SLC24A4: variants seen among roughly 807,000 people sequenced by gnomAD.
SLC24A4 encodes solute carrier family 24 member 4.
Under a neutral mutation model 79.0 loss-of-function variants are expected in SLC24A4, and 53 were observed. That is an observed-to-expected ratio of 0.67 (90% CI 0.54 to 0.84). The LOEUF (loss-of-function observed/expected upper bound fraction) is 0.84, where lower values mean the gene tolerates loss of function less well. SLC24A4 is among the 40% of genes least tolerant of loss of function. The pLI, the probability that SLC24A4 is intolerant of heterozygous loss-of-function variation, is 0.00. For missense variants in SLC24A4, 731 were observed against 822.0 expected, an observed-to-expected ratio of 0.89 and a Z score of 1.35; for synonymous variants, 323 against 323.8, an observed-to-expected ratio of 1.00 and a Z score of 0.03.
intron 7 of SLC24A4, among the ~76,000 whole-genome samples, chr14:92,443,878 G>A (rs1448624540): frequency 6.6e-6 from 1 of 152,168 alleles, no homozygotes; most frequent in Admixed American, 6.5e-5. Flanking sequence ...TGTGGGCAGG[G>A]CTTGGGCTAC....
At chr14:92,442,935 T>G in intron 6 of SLC24A4, 119 bp downstream of exon 6, 1 of 802,822 alleles carries the variant, frequency 1.2e-6, no homozygotes, top group Non-Finnish European at 2.0e-6. Flanking sequence ...AGCTGGATTC[T>G]GGATACATTT....
rs138016047 is a variant in SLC24A4, at chr14:92,482,802, G to T, written c.1378G>T (p.Ala460Ser). Residue 460 changes from alanine (A) to serine (S), a missense_variant, in exon 13 of 17, where the codon GCC becomes TCC. Ala to Ser is a moderately conservative substitution (Grantham distance 99). Coordinates refer to ENST00000532405, the MANE Select transcript of SLC24A4 (RefSeq NM_153646.4). ...EKFFMVTFIT[A>S]TLWIAVFSYI... is the part of the protein sequence containing the mutation. ...GTTCTTCATGGTCACCTTCATCACCGCCACGCTGTGGATCGCTGTGTTCTC... is the reference window on the plus strand; with the variant it reads ...GTTCTTCATGGTCACCTTCATCACCTCCACGCTGTGGATCGCTGTGTTCTC... 5 of 1,613,786 alleles carry T rather than the reference G, an allele frequency of 3.1e-6. No individual in the cohort carries two copies. In the East Asian group the frequency reaches 1.1e-4, roughly 36 times the overall value.
intron 2 of SLC24A4, among the ~76,000 whole-genome samples, chr14:92,361,313 C>T (rs1361817037): frequency 6.8e-6 from 1 of 146,740 alleles, no homozygotes; most frequent in Non-Finnish European, 1.5e-5. Context: ...ATCTTGGACT[C>T]AGGTATTCTC....
intron 2 of SLC24A4, among the ~76,000 whole-genome samples, chr14:92,370,757 A>C (rs1227218362): frequency 1.3e-5 from 2 of 152,226 alleles, no homozygotes; most frequent in Non-Finnish European, 2.9e-5. Context: ...TTAAGTCCTC[A>C]GCAAATTGGA....
At chr14:92,420,898 T>A (rs554410246) in intron 2 of SLC24A4, among the ~76,000 whole-genome samples, 1 of 152,264 alleles carries the variant, frequency 6.6e-6, no homozygotes, top group South Asian at 2.1e-4. Context: ...GATACTGTGG[T>A]CTTGTTTCCT....
intron 8 of SLC24A4, among the ~76,000 whole-genome samples, chr14:92,446,487 A>T (rs2139822010): frequency 6.6e-6 from 1 of 152,272 alleles, no homozygotes; most frequent in African/African-American, 2.4e-5. Flanking sequence ...GACATCAGCC[A>T]CCTGCCCTGA....
At chr14:92,386,827 C>T (rs1231595056) in intron 2 of SLC24A4, among the ~76,000 whole-genome samples, 1 of 152,226 alleles carries the variant, frequency 6.6e-6, no homozygotes, top group African/African-American at 2.4e-5. Flanking sequence ...GCCTGTGACG[C>T]TAACCTTGAG....
chr14:92,451,881 G>A (rs925612454), intron 10 of SLC24A4: 2 of 152,540 alleles, frequency 1.3e-5, no homozygotes, highest in African/African-American at 4.8e-5. Flanking sequence ...TTGGAGTGGG[G>A]AGAGTTGGGG....
chr14:92,400,803 G>A (rs1050815093), intron 2 of SLC24A4, among the ~76,000 whole-genome samples: 23 of 152,156 alleles, frequency 1.5e-4, no homozygotes, highest in African/African-American at 5.6e-4. Flanking sequence ...GTTTATTTCT[G>A]TAAGCATTGG....
At chr14:92,462,403 T>G (rs965862231) in intron 12 of SLC24A4, 11 of 151,712 alleles carry the variant, frequency 7.3e-5, no homozygotes, top group African/African-American at 2.7e-4. Flanking sequence ...TTTTGTTTAT[T>G]TATTTATTTT....
At chr14:92,331,368 C>T (rs757931724) in intron 2 of SLC24A4, among the ~76,000 whole-genome samples, 56 of 152,184 alleles carry the variant, frequency 3.7e-4, no homozygotes, top group Non-Finnish European at 6.2e-4. Context: ...ACTGCAGTCT[C>T]GACCTTCCAG....
rs1566699979 is a variant in SLC24A4, at chr14:92,343,632, CTTT to C, written c.241+17655_241+17657del. On this transcript the variant is annotated intron_variant, in intron 2 of 16. Coordinates refer to ENST00000532405, the MANE Select transcript of SLC24A4 (RefSeq NM_153646.4). Reference sequence around the variant, plus strand: ...TCTTTCTTTCTTTCTTTCTTTCTTTCTTTCTTTCTCTCTTTCCTTCTTTCCTTC... The same window carrying C: ...TCTTTCTTTCTTTCTTTCTTTCTTTCCTTTCTCTCTTTCCTTCTTTCCTTC... 1.3e-3 allele frequency among the ~76,000 whole-genome samples: 197 copies of C among 147,162 alleles called. 2 individuals carry two copies. The highest frequency in any genetic ancestry group is 3.4e-3 in the Middle Eastern group (1 of 292).
intron 2 of SLC24A4, among the ~76,000 whole-genome samples, chr14:92,391,199 A>T (rs545522684): frequency 6.6e-6 from 1 of 152,294 alleles, no homozygotes; most frequent in East Asian, 1.9e-4. Context: ...AGAGCCACAG[A>T]TCCTGGAGGG....
chr14:92,393,045 C>T (rs934760211), intron 2 of SLC24A4, among the ~76,000 whole-genome samples: 1 of 152,204 alleles, frequency 6.6e-6, no homozygotes, highest in Non-Finnish European at 1.5e-5. Context: ...TGTGAGGTCA[C>T]GTGGGAGGCG....
chr14:92,442,045 CCCCCACGTCACA>C, intron 4 of SLC24A4, 32 bp from the exon 5 acceptor site: 1 of 1,498,402 alleles, frequency 6.7e-7, no homozygotes, highest in Non-Finnish European at 9.3e-7. Context: ...ATGTCCAGTA[CCCCCACGTCACA>C]CCCTGAGGGT....
At position 92,433,995 on chromosome 14, in the gene SLC24A4, C is replaced by T. The variant is rs373815556; in HGVS notation, c.318+7C>T. On this transcript the variant is annotated splice_region_variant and intron_variant, in intron 3 of 16. Coordinates refer to ENST00000532405, the MANE Select transcript of SLC24A4 (RefSeq NM_153646.4). ...CCTGCTGCACATCCTTGGTGTAAGT[C>T]GTCCTCCCAGAGTGGTCACAAAACT... 55 of 1,613,094 alleles carry T rather than the reference C, an allele frequency of 3.4e-5. No homozygotes were observed. The highest frequency in any genetic ancestry group is 1.7e-4 in the Middle Eastern group (1 of 6,058).
At chr14:92,476,172 A>G (rs916973997) in intron 12 of SLC24A4, among the ~76,000 whole-genome samples, 2 of 152,206 alleles carry the variant, frequency 1.3e-5, no homozygotes, top group African/African-American at 2.4e-5. Flanking sequence ...CAGGGTTACA[A>G]TTCCCTAAAG....
Position 92,325,048 on chromosome 14 carries a change from C to T in SLC24A4, c.131-820C>T, listed in dbSNP as rs541215286. Among the ~76,000 whole-genome samples the T allele has an allele frequency of 8.5e-5, 13 of 152,284 alleles. No individual in the cohort carries two copies. In the East Asian group the frequency reaches 2.3e-3, roughly 27 times the overall value. ...ATTTTGAATATCTTAGTACCTGGTGCTTTGCAATTGGGCAAGTCAGTGTTT... is the reference window on the plus strand; with the variant it reads ...ATTTTGAATATCTTAGTACCTGGTGTTTTGCAATTGGGCAAGTCAGTGTTT... On this transcript the variant is annotated intron_variant, in intron 1 of 16. Transcript: ENST00000532405.
chr14:92,342,572 G>A (rs1886224761), intron 2 of SLC24A4, among the ~76,000 whole-genome samples: 1 of 152,004 alleles, frequency 6.6e-6, no homozygotes, highest in South Asian at 2.1e-4. Context: ...TAGTAGAGAT[G>A]GAGTTTTGCC....
Sources: gnomAD v4.1 joint callset for allele counts (sites outside exome capture counted in the v4.1 genomes callset) on GRCh38, gnomAD v4.1.1 for gene constraint, MANE v1.5 for transcripts, NCBI Gene and HGNC (gene_info 2026-07-23, HGNC 2026-07-21) for gene names.